DLG2: variants seen among roughly 807,000 people sequenced by gnomAD.
DLG2 encodes the protein disks large homolog 2.
A neutral mutation model predicts 132.5 loss-of-function variants in DLG2; 45 were observed. The ratio of observed to expected loss-of-function variants is 0.34; its 90% CI spans 0.27 to 0.44. DLG2 has a LOEUF of 0.44. Among genes scored for constraint, DLG2 ranks in the 20% least tolerant of loss-of-function variants. The probability of loss-of-function intolerance (pLI) is 1.00; values close to 1 mark genes in which losing one functional copy is unlikely to be tolerated. For missense variants in DLG2, 1,045 were observed against 1,196.9 expected (o/e 0.87, Z 1.87); for synonymous variants, 424 against 419.6 (o/e 1.01, Z -0.13).
intron 7 of DLG2, chr11:84,317,464 A>T: frequency 2.5e-6 from 2 of 800,594 alleles, no homozygotes; most frequent in South Asian, 4.8e-5. Flanking sequence ...TGTGTTACAA[A>T]CCCTTTTTGG....
At chr11:85,135,763 T>C (rs899031078) in intron 5 of DLG2, among the ~76,000 whole-genome samples, 2 of 152,214 alleles carry the variant, frequency 1.3e-5, no homozygotes, top group East Asian at 3.8e-4. Context: ...TTGCCTAGAC[T>C]AGTGTCTCAT....
chr11:84,373,107 C>T (rs2098712623), intron 7 of DLG2, among the ~76,000 whole-genome samples: 1 of 151,676 alleles, frequency 6.6e-6, no homozygotes, highest in African/African-American at 2.4e-5. Flanking sequence ...ATGGAAGCAA[C>T]TGAGTCCTAA....
chr11:84,593,416 TAGAAAA>T (rs1368156282), intron 6 of DLG2, among the ~76,000 whole-genome samples: 1 of 151,952 alleles, frequency 6.6e-6, no homozygotes, highest in Non-Finnish European at 1.5e-5. Context: ...AATGATAGAC[TAGAAAA>T]AGAAAATGTG....
At chr11:83,638,625 G>A (rs1487885563) in intron 18 of DLG2, among the ~76,000 whole-genome samples, 4 of 152,028 alleles carry the variant, frequency 2.6e-5, no homozygotes, top group Admixed American at 1.3e-4. Context: ...CCCTGTTACG[G>A]CCTCCCTCTA....
intron 25 of DLG2, among the ~76,000 whole-genome samples, chr11:83,467,771 GTATATA>G (rs1192401405): frequency 0.026 from 2,184 of 84,866 alleles, 83 homozygotes; most frequent in African/African-American, 0.086. Flanking sequence ...AAAACTATAT[GTATATA>G]TATATATATA....
intron 4 of DLG2, among the ~76,000 whole-genome samples, chr11:85,252,849 A>T (rs1001592606): frequency 1.3e-5 from 2 of 152,202 alleles, no homozygotes; most frequent in Admixed American, 6.5e-5. Flanking sequence ...AAGTACCAAG[A>T]AGGGTTTGAA....
intron 6 of DLG2, among the ~76,000 whole-genome samples, chr11:84,835,366 T>C (rs565603931): frequency 4.9e-4 from 74 of 151,842 alleles, no homozygotes; most frequent in Non-Finnish European, 9.7e-4. Context: ...GATGCAAATT[T>C]GGGTAACTCA....
intron 3 of DLG2, among the ~76,000 whole-genome samples, chr11:85,532,787 A>G (rs918122847): frequency 2.6e-5 from 4 of 152,224 alleles, no homozygotes; most frequent in Non-Finnish European, 5.9e-5. Context: ...GTAGATAACT[A>G]ACCCTGGTTT....
chr11:85,594,024 AT>A (rs2079556946), intron 3 of DLG2, among the ~76,000 whole-genome samples: 1 of 152,214 alleles, frequency 6.6e-6, no homozygotes, highest in South Asian at 2.1e-4. Flanking sequence ...ATGAATAAAA[AT>A]TTATTAAAAG....
chr11:85,388,715 G>A (rs1323864921), intron 3 of DLG2, among the ~76,000 whole-genome samples: 1 of 152,174 alleles, frequency 6.6e-6, no homozygotes, highest in Admixed American at 6.5e-5. Flanking sequence ...AAGCCTGGTA[G>A]CTCCTTTGGG....
chr11:84,429,083 G>C (rs1192802351), intron 7 of DLG2, among the ~76,000 whole-genome samples: 1 of 152,184 alleles, frequency 6.6e-6, no homozygotes, highest in African/African-American at 2.4e-5. Flanking sequence ...AAGAGCCCCT[G>C]AGCATTTTTC....
At chr11:84,719,297 C>T (rs1156553794) in intron 6 of DLG2, among the ~76,000 whole-genome samples, 2 of 152,178 alleles carry the variant, frequency 1.3e-5, no homozygotes, top group Non-Finnish European at 2.9e-5. Flanking sequence ...ATGTGATATA[C>T]ATTCACTTAG....
At chr11:84,182,630 G>C (rs541434421) in intron 8 of DLG2, among the ~76,000 whole-genome samples, 13 of 152,184 alleles carry the variant, frequency 8.5e-5, no homozygotes, top group African/African-American at 2.6e-4. Context: ...TCATAGCATC[G>C]AATGAATGTA....
intron 3 of DLG2, among the ~76,000 whole-genome samples, chr11:85,302,039 G>C (rs2079617429): frequency 6.6e-6 from 1 of 152,138 alleles, no homozygotes. Context: ...AAGAGCACAT[G>C]AGGTCAGACT....
chr11:84,851,725 A>G (rs895790591), intron 6 of DLG2, among the ~76,000 whole-genome samples: 1 of 152,004 alleles, frequency 6.6e-6, no homozygotes, highest in Non-Finnish European at 1.5e-5. Flanking sequence ...ACACACACAT[A>G]TATATTTTTT....
chr11:85,520,861 A>G (rs2074254352), intron 3 of DLG2, among the ~76,000 whole-genome samples: 2 of 152,124 alleles, frequency 1.3e-5, no homozygotes, highest in South Asian at 4.1e-4. Flanking sequence ...CAAAAATCAA[A>G]TCAAAACGGA....
intron 6 of DLG2, among the ~76,000 whole-genome samples, chr11:84,704,903 CATAT>C (rs1404231192): frequency 5.4e-5 from 8 of 148,318 alleles, no homozygotes; most frequent in Admixed American, 4.1e-4. Flanking sequence ...TATATATACA[CATAT>C]ATATACATTA....
intron 6 of DLG2, among the ~76,000 whole-genome samples, chr11:84,698,354 T>A (rs1416779233): frequency 6.6e-6 from 1 of 151,544 alleles, no homozygotes; most frequent in Non-Finnish European, 1.5e-5. Flanking sequence ...GTTCATTTCC[T>A]TCTTACAACA....
intron 7 of DLG2, among the ~76,000 whole-genome samples, chr11:84,304,949 T>C (rs1341558933): frequency 2.0e-5 from 3 of 152,220 alleles, no homozygotes; most frequent in Non-Finnish European, 4.4e-5. Flanking sequence ...TGTTTTGTAA[T>C]GTCCTCCTTT....
Sources: gnomAD v4.1 joint callset for allele counts (sites outside exome capture counted in the v4.1 genomes callset) on GRCh38, gnomAD v4.1.1 for gene constraint, MANE v1.5 for transcripts, NCBI Gene and HGNC (gene_info 2026-07-23, HGNC 2026-07-21) for gene names.